The following ACTR3C variants were observed in gnomAD, a reference collection of about 807,000 sequenced individuals.
The protein encoded by ACTR3C is actin-related protein 3C.
A neutral mutation model predicts 26.3 loss-of-function variants in ACTR3C; 18 were observed. The ratio of observed to expected loss-of-function variants is 0.68; its 90% CI spans 0.47 to 1.01. The LOEUF (loss-of-function observed/expected upper bound fraction) is 1.01. Ranked by LOEUF, ACTR3C falls within the 50% of genes least tolerant of loss-of-function variation. The probability of loss-of-function intolerance (pLI) is 0.00; values close to 1 mark genes in which losing one functional copy is unlikely to be tolerated. For synonymous variants in ACTR3C, 55 were observed against 94.5 expected, an observed-to-expected ratio of 0.58 and a Z score of 2.42; for missense variants, 184 against 250.7, an observed-to-expected ratio of 0.73 and a Z score of 1.80.
At chr7:150,226,268 C>A in the ACTR3C span, among the ~76,000 whole-genome samples, 1 of 151,958 alleles carries the variant, frequency 6.6e-6, no homozygotes, top group Non-Finnish European at 1.5e-5. Flanking sequence ...TTTAGGAAAC[C>A]ATTAAACTGC....
At chr7:150,037,081 T>G in the ACTR3C span, among the ~76,000 whole-genome samples, 2 of 80,184 alleles carry the variant, frequency 2.5e-5, no homozygotes, top group African/African-American at 4.3e-5. Context: ...TGCCTCCCCC[T>G]CGTGCGATGG....
At chr7:149,930,406 A>G in the ACTR3C span, among the ~76,000 whole-genome samples, 1 of 152,368 alleles carries the variant, frequency 6.6e-6, no homozygotes, top group Non-Finnish European at 1.5e-5. Context: ...ACAGAGAGTG[A>G]CAAAGCAAAT....
chr7:150,190,156 G>A, the ACTR3C span, among the ~76,000 whole-genome samples: 1 of 152,176 alleles, frequency 6.6e-6, no homozygotes, highest in Non-Finnish European at 1.5e-5. Flanking sequence ...TTTCCATAAT[G>A]ACTAATGATA....
the ACTR3C span, among the ~76,000 whole-genome samples, chr7:150,060,468 C>A: frequency 6.6e-6 from 1 of 152,218 alleles, no homozygotes; most frequent in South Asian, 2.1e-4. Context: ...CCAACAGCAT[C>A]CTCCGTGATA....
At chr7:150,151,686 T>C in the ACTR3C span, among the ~76,000 whole-genome samples, 667 of 110,806 alleles carry the variant, frequency 6.0e-3, 43 homozygotes, top group African/African-American at 0.02. Context: ...AGGCTAACAA[T>C]GAGAACACAT....
chr7:150,214,431 C>T, the ACTR3C span, among the ~76,000 whole-genome samples: 5 of 151,708 alleles, frequency 3.3e-5, no homozygotes, highest in African/African-American at 4.8e-5. Context: ...ATGCAATATC[C>T]GGAGCTACGC....
the ACTR3C span, among the ~76,000 whole-genome samples, chr7:149,897,148 G>A: frequency 1.3e-5 from 2 of 151,878 alleles, no homozygotes; most frequent in Non-Finnish European, 1.5e-5. Context: ...GAGTTTGCAC[G>A]GGTGTGTTTA....
intron 1 of ACTR3C, among the ~76,000 whole-genome samples, chr7:150,295,719 C>T (rs1256195187): frequency 2.0e-5 from 3 of 149,892 alleles, no homozygotes; most frequent in South Asian, 4.2e-4. Context: ...AAAGGCGAAC[C>T]GGTGACTTCA....
At chr7:149,960,326 G>T in the ACTR3C span, among the ~76,000 whole-genome samples, 8 of 152,110 alleles carry the variant, frequency 5.3e-5, no homozygotes, top group Non-Finnish European at 8.8e-5. Flanking sequence ...ATGTGTGTCT[G>T]AAAATGTACT....
chr7:150,033,193 G>C, the ACTR3C span, among the ~76,000 whole-genome samples: 1 of 152,100 alleles, frequency 6.6e-6, no homozygotes, highest in African/African-American at 2.4e-5. Flanking sequence ...TCCTACCATT[G>C]AACAACTCGG....
chr7:150,284,391 A>C (rs917408984), intron 6 of ACTR3C, among the ~76,000 whole-genome samples: 6 of 151,984 alleles, frequency 3.9e-5, no homozygotes, highest in Admixed American at 2.6e-4. Flanking sequence ...AACACACACA[A>C]AAAAATTCGC....
chr7:150,309,394 G>A (rs1170472759), intron 1 of ACTR3C, among the ~76,000 whole-genome samples: 1 of 152,124 alleles, frequency 6.6e-6, no homozygotes, highest in Non-Finnish European at 1.5e-5. Context: ...TTAGAAAAAA[G>A]CTTCAAAAAT....
At chr7:150,041,867 C>T in the ACTR3C span, among the ~76,000 whole-genome samples, 6 of 135,402 alleles carry the variant, frequency 4.4e-5, no homozygotes, top group Admixed American at 7.2e-5. Flanking sequence ...TCCCCACTCT[C>T]GTGAGGGTTG....
the ACTR3C span, among the ~76,000 whole-genome samples, chr7:150,219,035 G>A: frequency 1.3e-5 from 2 of 152,124 alleles, no homozygotes; most frequent in African/African-American, 4.8e-5. Flanking sequence ...AGAAGAAAAT[G>A]CTTGATATTA....
At chr7:150,133,519 TG>T in the ACTR3C span, among the ~76,000 whole-genome samples, 10 of 152,170 alleles carry the variant, frequency 6.6e-5, no homozygotes, top group Non-Finnish European at 1.5e-4. Context: ...CATATCATGC[TG>T]AGCTTATCAG....
chr7:150,228,389 A>G, the ACTR3C span, among the ~76,000 whole-genome samples: 3 of 152,194 alleles, frequency 2.0e-5, no homozygotes, highest in Non-Finnish European at 4.4e-5. Context: ...TCACATACTA[A>G]TCCTTGGAAT....
chr7:149,929,256 G>A, the ACTR3C span, among the ~76,000 whole-genome samples: 18 of 151,670 alleles, frequency 1.2e-4, no homozygotes, highest in East Asian at 3.9e-4. Context: ...ATGAAATCCC[G>A]TCTCTACCAA....
At chr7:150,271,249 T>C (rs1260786693) in intron 6 of ACTR3C, among the ~76,000 whole-genome samples, 2 of 145,820 alleles carry the variant, frequency 1.4e-5, no homozygotes, top group African/African-American at 5.5e-5. Flanking sequence ...GCAGGTTTGT[T>C]ACACAGGTAT....
chr7:149,905,970 A>G, the ACTR3C span, among the ~76,000 whole-genome samples: 1 of 152,174 alleles, frequency 6.6e-6, no homozygotes, highest in Non-Finnish European at 1.5e-5. Flanking sequence ...GCAGATACGC[A>G]TAAGGAAATT....
Sources: gnomAD v4.1 joint callset for allele counts (sites outside exome capture counted in the v4.1 genomes callset) on GRCh38, gnomAD v4.1.1 for gene constraint, MANE v1.5 for transcripts, NCBI Gene and HGNC (gene_info 2026-07-23, HGNC 2026-07-21) for gene names.